MED27: variants seen among roughly 807,000 people sequenced by gnomAD.
The protein encoded by MED27 is mediator of RNA polymerase II transcription subunit 27.
A neutral mutation model predicts 38.2 loss-of-function variants in MED27; 30 were observed. The observed-to-expected ratio is 0.79, with a 90% CI of 0.59 to 1.07. MED27 has a LOEUF of 1.07. Among genes scored for constraint, MED27 ranks in the 50% least tolerant of loss-of-function variants. The pLI is 0.00. For synonymous variants in MED27, 122 were observed against 153.5 expected (o/e 0.79, Z 1.52); for missense variants, 289 against 397.5 (o/e 0.73, Z 2.32).
chr9:131,861,825 C>T lies in MED27; in HGVS notation c.802-1153G>A, dbSNP rs941640991. ...TCTCGCTCTGACACCCAGGCTGGAG[C>T]GCAGTGGTGCAATCGATCATAGCTC... On this transcript the variant is annotated intron_variant, in intron 7 of 7. Transcript: ENST00000292035. This position sits in a 1 kb window ranked among gnomAD's most constrained non-coding sequence, Gnocchi z 4.4. Among the ~76,000 whole-genome samples the T allele has an allele frequency of 4.6e-5, 7 of 150,562 alleles. No individual in the cohort carries two copies. Among genetic ancestry groups the T allele is most frequent in the East Asian group, 2.0e-4 (1 of 5,072 alleles).
chr9:132,013,907 AG>A (rs1285631614), intron 3 of MED27, among the ~76,000 whole-genome samples: 1 of 152,184 alleles, frequency 6.6e-6, no homozygotes, highest in Non-Finnish European at 1.5e-5. Context: ...CCTTTTTAAA[AG>A]AAAGAAATAA....
At chr9:132,047,078 G>A (rs549173316) in intron 2 of MED27, among the ~76,000 whole-genome samples, 1 of 152,092 alleles carries the variant, frequency 6.6e-6, no homozygotes, top group African/African-American at 2.4e-5. Context: ...ATATACACAT[G>A]CAATCTTAAA....
chr9:131,967,504 G>A (rs956779299), intron 3 of MED27, among the ~76,000 whole-genome samples: 26 of 142,742 alleles, frequency 1.8e-4, no homozygotes, highest in African/African-American at 6.8e-4. Flanking sequence ...TTTTTTTTAA[G>A]TTTTGAGATG....
At chr9:131,969,587 C>T (rs1363600000) in intron 3 of MED27, among the ~76,000 whole-genome samples, 2 of 151,952 alleles carry the variant, frequency 1.3e-5, no homozygotes, top group Non-Finnish European at 1.5e-5. Flanking sequence ...CCCGTTGTGC[C>T]CATCATTTAT....
At chr9:131,984,261 A>C (rs1217574428) in intron 3 of MED27, among the ~76,000 whole-genome samples, 1 of 151,886 alleles carries the variant, frequency 6.6e-6, no homozygotes, top group African/African-American at 2.4e-5. Flanking sequence ...TCACCTCCTC[A>C]CATTCTGTAC....
At chr9:132,071,070 T>G (rs1452861246) in intron 2 of MED27, among the ~76,000 whole-genome samples, 3 of 152,186 alleles carry the variant, frequency 2.0e-5, no homozygotes, top group Non-Finnish European at 4.4e-5. Flanking sequence ...TAGCAGCCAC[T>G]GGAGAGTACT....
chr9:131,963,345 A>G (rs1399449896), intron 3 of MED27, among the ~76,000 whole-genome samples: 1 of 152,158 alleles, frequency 6.6e-6, no homozygotes. Flanking sequence ...TTAAGTTTAG[A>G]TAATTTCAAG....
At chr9:132,067,625 G>C (rs987684497) in intron 2 of MED27, among the ~76,000 whole-genome samples, 3 of 152,144 alleles carry the variant, frequency 2.0e-5, no homozygotes, top group African/African-American at 7.2e-5. Context: ...GGATGTCTGG[G>C]CTCCATTTTC....
intron 4 of MED27, among the ~76,000 whole-genome samples, chr9:131,907,541 G>C (rs993409936): frequency 6.6e-5 from 10 of 152,210 alleles, no homozygotes; most frequent in Non-Finnish European, 1.0e-4. Flanking sequence ...CCAGGCTGGA[G>C]TGCAGTGGCG....
chr9:131,964,369 T>TGGTGGGGGGTGGTGGTGGGG (rs1831293549), intron 3 of MED27, among the ~76,000 whole-genome samples: 4 of 94,516 alleles, frequency 4.2e-5, no homozygotes, highest in South Asian at 3.8e-4. Flanking sequence ...GAGGTGATGG[T>TGGTGGGGGGTGGTGGTGGGG]AGTAGTGATG....
intron 3 of MED27, among the ~76,000 whole-genome samples, chr9:131,993,409 G>A (rs965831483): frequency 6.6e-6 from 1 of 152,118 alleles, no homozygotes; most frequent in Non-Finnish European, 1.5e-5. Context: ...ACACAGAGAC[G>A]CCTGCTCAGC....
intron 4 of MED27, among the ~76,000 whole-genome samples, chr9:131,904,041 G>A (rs530676261): frequency 2.6e-5 from 4 of 152,138 alleles, no homozygotes; most frequent in South Asian, 2.1e-4. Context: ...TGGGATTACA[G>A]GCATGCAACC....
rs560007416 is a variant in MED27, at chr9:131,860,588, A to G, written c.886T>C (p.Trp296Arg). The change falls in exon 8 of 8, where the codon TGG becomes CGG. Residue 296 changes from tryptophan to arginine, a missense_variant. Coordinates refer to ENST00000292035, the MANE Select transcript of MED27 (RefSeq NM_004269.4). The surrounding 1 kb of genome is among the most constrained non-coding windows in gnomAD (Gnocchi z 5.8). ...KFLQDGLPPT[W>R]RDFRTLEAFH... is the part of the protein sequence containing the mutation. ...GCTTCGAGGGTTCGGAAATCCCTCC[A>G]TGTCGGGGGAAGGCCGTCCTGCAGA... is the stretch of plus-strand genomic sequence containing the variant. The G allele has an allele frequency of 3.1e-6, 5 of 1,600,730 alleles. No homozygotes were observed. Among genetic ancestry groups the G allele is most frequent in the Non-Finnish European group, 3.4e-6 (4 of 1,173,892 alleles).
chr9:132,033,562 G>A (rs1478753499), intron 2 of MED27, among the ~76,000 whole-genome samples: 2 of 152,146 alleles, frequency 1.3e-5, no homozygotes, highest in African/African-American at 4.8e-5. Flanking sequence ...CCTCTCCATC[G>A]AATGTCATCA....
chr9:131,864,254 G>T (rs993223830), intron 6 of MED27, among the ~76,000 whole-genome samples: 2 of 152,130 alleles, frequency 1.3e-5, no homozygotes, highest in East Asian at 1.9e-4. Context: ...GCTGAGTCAG[G>T]GGGGATCACT....
chr9:131,981,972 G>A (rs572994677), intron 3 of MED27, among the ~76,000 whole-genome samples: 10 of 152,258 alleles, frequency 6.6e-5, no homozygotes, highest in South Asian at 6.2e-4. Flanking sequence ...CTCCCCTGAC[G>A]TCCAGCCCGC....
chr9:131,928,886 C>T (rs1473537295), intron 4 of MED27, among the ~76,000 whole-genome samples: 1 of 152,236 alleles, frequency 6.6e-6, no homozygotes, highest in Non-Finnish European at 1.5e-5. Flanking sequence ...AGACAGTAGC[C>T]TGGGTGGCTA....
intron 6 of MED27, among the ~76,000 whole-genome samples, chr9:131,882,778 C>A (rs1839070750): frequency 6.6e-6 from 1 of 152,172 alleles, no homozygotes; most frequent in South Asian, 2.1e-4. Context: ...AGGAGGCCCC[C>A]TTGTGTTTCC....
chr9:131,989,132 C>G (rs1028005511), intron 3 of MED27, among the ~76,000 whole-genome samples: 3 of 152,140 alleles, frequency 2.0e-5, no homozygotes, highest in African/African-American at 7.2e-5. Flanking sequence ...CTCACTTAAA[C>G]TCTGTAACTA....
Sources: gnomAD v4.1 joint callset for allele counts (sites outside exome capture counted in the v4.1 genomes callset) on GRCh38, gnomAD v4.1.1 for gene constraint, Gnocchi (gnomAD v3.1) non-coding constraint, MANE v1.5 for transcripts, NCBI Gene and HGNC (gene_info 2026-07-23, HGNC 2026-07-21) for gene names.